The following CHODL variants were observed in gnomAD, a reference collection of about 807,000 sequenced individuals.
The protein encoded by CHODL is chondrolectin.
A neutral mutation model predicts 34.5 loss-of-function variants in CHODL; 29 were observed. That is an observed-to-expected ratio of 0.84 (90% CI 0.63 to 1.15). The LOEUF (loss-of-function observed/expected upper bound fraction) is 1.15, where lower values mean the gene tolerates loss of function less well. Ranked by LOEUF, CHODL falls within the 50% of genes most tolerant of loss-of-function variation. The pLI is 0.00. For synonymous variants in CHODL, 125 were observed against 116.1 expected (o/e 1.08, Z -0.49); for missense variants, 332 against 332.5 (o/e 1.00, Z 0.01).
intron 1 of CHODL, among the ~76,000 whole-genome samples, chr21:17,945,037 C>T (rs1304714797): frequency 6.8e-6 from 1 of 147,610 alleles, no homozygotes; most frequent in Non-Finnish European, 1.5e-5. Flanking sequence ...GGTGAAACCC[C>T]GTCTCTACTA....
intron 2 of CHODL, among the ~76,000 whole-genome samples, chr21:18,085,324 T>A (rs1305258718): frequency 6.6e-6 from 1 of 152,184 alleles, no homozygotes; most frequent in Non-Finnish European, 1.5e-5. Flanking sequence ...TCTGTCATAT[T>A]GCTAATTATT....
At chr21:17,997,648 A>G (rs1028685852) in intron 1 of CHODL, among the ~76,000 whole-genome samples, 3 of 152,176 alleles carry the variant, frequency 2.0e-5, no homozygotes, top group African/African-American at 7.2e-5. Context: ...GCGGGAGATG[A>G]AAGGCACTTC....
chr21:18,074,426 G>A (rs551240339), intron 2 of CHODL, among the ~76,000 whole-genome samples: 243 of 152,240 alleles, frequency 1.6e-3, no homozygotes, highest in Non-Finnish European at 2.4e-3. Context: ...ACATTACACA[G>A]GCTTTATGTA....
chr21:18,222,132 A>C (rs553263362), intron 2 of CHODL, among the ~76,000 whole-genome samples: 2 of 152,264 alleles, frequency 1.3e-5, no homozygotes, highest in South Asian at 4.2e-4. Context: ...TTTTGGTGGT[A>C]GTGGCCTCAG....
chr21:18,070,107 A>G (rs1027389537), intron 2 of CHODL, among the ~76,000 whole-genome samples: 1 of 145,200 alleles, frequency 6.9e-6, no homozygotes, highest in Non-Finnish European at 1.5e-5. Flanking sequence ...CTAGTCTGGA[A>G]CTCCTGGGCT....
chr21:18,163,605 AT>A (rs2073121396), intron 2 of CHODL, among the ~76,000 whole-genome samples: 1 of 152,238 alleles, frequency 6.6e-6, no homozygotes, highest in Non-Finnish European at 1.5e-5. Flanking sequence ...ATTACAAAAT[AT>A]TTGGTAAATT....
intron 2 of CHODL, among the ~76,000 whole-genome samples, chr21:18,133,333 TTC>T (rs1292008961): frequency 6.6e-6 from 1 of 152,196 alleles, no homozygotes; most frequent in Non-Finnish European, 1.5e-5. Context: ...AGTGGTCCAA[TTC>T]TCTGTTTCAT....
chr21:18,206,114 CTGGAT>C (rs1334557514), intron 2 of CHODL, among the ~76,000 whole-genome samples: 2 of 152,154 alleles, frequency 1.3e-5, no homozygotes, highest in African/African-American at 4.8e-5. Context: ...CCTGGAATCA[CTGGAT>C]AAAATGTTCC....
At chr21:18,072,421 C>T (rs1304481155) in intron 2 of CHODL, among the ~76,000 whole-genome samples, 2 of 152,074 alleles carry the variant, frequency 1.3e-5, no homozygotes, top group African/African-American at 4.8e-5. Context: ...TCTCCCATCC[C>T]TCCCCTTTGT....
chr21:18,163,817 A>G (rs986085955), intron 2 of CHODL, among the ~76,000 whole-genome samples: 4 of 152,330 alleles, frequency 2.6e-5, no homozygotes, highest in South Asian at 4.1e-4. Flanking sequence ...GGCTTTCACT[A>G]TAAAGAGAAG....
At chr21:18,252,134 G>C (rs953270678) in intron 1 of CHODL, among the ~76,000 whole-genome samples, 1 of 151,898 alleles carries the variant, frequency 6.6e-6, no homozygotes, top group African/African-American at 2.4e-5. Flanking sequence ...TCTCTCTCTT[G>C]TAGATAAGCC....
At chr21:18,145,609 G>C (rs546208646) in intron 2 of CHODL, among the ~76,000 whole-genome samples, 1 of 152,132 alleles carries the variant, frequency 6.6e-6, no homozygotes, top group Admixed American at 6.5e-5. Context: ...TGTTTCATTC[G>C]GGGTCAATGT....
At chr21:17,979,267 A>G (rs913535896) in intron 1 of CHODL, among the ~76,000 whole-genome samples, 1 of 152,190 alleles carries the variant, frequency 6.6e-6, no homozygotes, top group East Asian at 1.9e-4. Flanking sequence ...CTCAATTTAG[A>G]AGTCTATTTG....
chr21:18,233,831 A>T (rs2074004327), intron 2 of CHODL, among the ~76,000 whole-genome samples: 1 of 152,188 alleles, frequency 6.6e-6, no homozygotes, highest in African/African-American at 2.4e-5. Context: ...AGTGTGACTT[A>T]CAACAATAAA....
intron 2 of CHODL, among the ~76,000 whole-genome samples, chr21:18,052,238 A>AT (rs77266507): frequency 6.6e-6 from 1 of 151,842 alleles, no homozygotes; most frequent in African/African-American, 2.4e-5. Flanking sequence ...ATACATCTGA[A>AT]TTTTTTTTAA....
chr21:18,144,663 A>G (rs149755618), intron 2 of CHODL, among the ~76,000 whole-genome samples: 13 of 152,252 alleles, frequency 8.5e-5, no homozygotes, highest in African/African-American at 1.4e-4. Flanking sequence ...GCATCAGGTT[A>G]TATTGTTTAA....
intron 1 of CHODL, among the ~76,000 whole-genome samples, chr21:17,983,539 G>T (rs972565361): frequency 6.6e-6 from 1 of 152,174 alleles, no homozygotes; most frequent in South Asian, 2.1e-4. Flanking sequence ...CCCAAACTAA[G>T]TCTTGTCATT....
intron 1 of CHODL, among the ~76,000 whole-genome samples, chr21:17,948,364 C>T (rs1010668665): frequency 6.6e-6 from 1 of 151,248 alleles, no homozygotes; most frequent in African/African-American, 2.4e-5. Flanking sequence ...AATAAACAAG[C>T]TAACATTACA....
intron 2 of CHODL, among the ~76,000 whole-genome samples, chr21:18,063,541 G>C (rs990384739): frequency 1.3e-5 from 2 of 152,064 alleles, no homozygotes; most frequent in African/African-American, 2.4e-5. Context: ...AGGTGTGTTT[G>C]CAAGAAACCC....
Sources: gnomAD v4.1 joint callset for allele counts (sites outside exome capture counted in the v4.1 genomes callset) on GRCh38, gnomAD v4.1.1 for gene constraint, MANE v1.5 for transcripts, NCBI Gene and HGNC (gene_info 2026-07-23, HGNC 2026-07-21) for gene names.